ITPK1: variants seen among roughly 807,000 people sequenced by gnomAD.
The protein encoded by ITPK1 is inositol-tetrakisphosphate 1-kinase.
In ITPK1, 21 loss-of-function variants were observed where a neutral mutation model predicts 45.3. That is an observed-to-expected ratio of 0.46 (90% CI 0.33 to 0.67). ITPK1 has a LOEUF of 0.67. Among genes scored for constraint, ITPK1 ranks in the 30% least tolerant of loss-of-function variants. The pLI, the probability that ITPK1 is intolerant of heterozygous loss-of-function variation, is 0.02. For missense variants in ITPK1, 474 were observed against 573.5 expected, an observed-to-expected ratio of 0.83 and a Z score of 1.77; for synonymous variants, 258 against 253.6, an observed-to-expected ratio of 1.02 and a Z score of -0.16.
At position 92,938,863 on chromosome 14, in the gene ITPK1, C is replaced by T. The variant is rs1379011870; in HGVS notation, c.*2698G>A. 27 of 420,542 alleles carry T rather than the reference C, an allele frequency of 6.4e-5. No homozygotes were observed. The highest frequency in any genetic ancestry group is 8.7e-5 in the Non-Finnish European group (20 of 230,704). 26.1% of individuals were successfully genotyped at this position (420,542 alleles called of 1,614,324 possible). A position where few individuals can be genotyped will look rare whatever the true frequency, so the allele number is the denominator to read the frequency against. On this transcript the variant is annotated 3_prime_UTR_variant, in exon 11 of 11. Coordinates refer to ENST00000267615, the MANE Select transcript of ITPK1 (RefSeq NM_014216.6). Reference sequence around the variant, plus strand: ...GCACTGTCAGGCAGAACTTGACCCACGGCCTCAGCCCCAGGGTGCTCAATG... The same window carrying T: ...GCACTGTCAGGCAGAACTTGACCCATGGCCTCAGCCCCAGGGTGCTCAATG...
At chr14:92,983,553 T>C (rs561741297) in intron 5 of ITPK1, among the ~76,000 whole-genome samples, 2 of 152,310 alleles carry the variant, frequency 1.3e-5, no homozygotes, top group South Asian at 4.1e-4. Flanking sequence ...GATTCATTCA[T>C]AGAAGACAAG....
At chr14:93,072,718 G>A (rs60545879) in intron 3 of ITPK1, among the ~76,000 whole-genome samples, 21,026 of 151,080 alleles carry the variant, frequency 0.14, 1,608 homozygotes, top group South Asian at 0.25. Flanking sequence ...GGGTTCAAGT[G>A]ATCCTCCCAC....
At chr14:93,049,201 C>T (rs964990731) in intron 3 of ITPK1, among the ~76,000 whole-genome samples, 2 of 152,186 alleles carry the variant, frequency 1.3e-5, no homozygotes, top group African/African-American at 4.8e-5. Context: ...CTACAAAACC[C>T]CTTCTGTGGC....
At position 92,941,213 on chromosome 14, in the gene ITPK1, A is replaced by G. The variant is rs1566681666; in HGVS notation, c.*348T>C. On this transcript the variant is annotated 3_prime_UTR_variant, in exon 11 of 11. Coordinates refer to ENST00000267615, the MANE Select transcript of ITPK1 (RefSeq NM_014216.6). The stretch of plus-strand genomic sequence containing the variant: ...CCGGTCCACAGTGGCCATGGAGACC[A>G]ACAGACAGGGATGTGCACAGACACT... 4 of 1,284,002 alleles carry G rather than the reference A, an allele frequency of 3.1e-6. No homozygotes were observed. The highest frequency in any genetic ancestry group is 7.8e-5 in the East Asian group (2 of 25,684). The allele number at this position is 1,284,002 out of a possible 1,614,324, so 79.5% of individuals were successfully genotyped here.
chr14:92,961,454 A>G (rs1885065826), intron 7 of ITPK1, among the ~76,000 whole-genome samples: 1 of 152,136 alleles, frequency 6.6e-6, no homozygotes, highest in Admixed American at 6.5e-5. Flanking sequence ...AAAAGAATGA[A>G]TGGGCGGGTG....
At chr14:92,998,356 G>C (rs1359741498) in intron 4 of ITPK1, among the ~76,000 whole-genome samples, 1 of 152,224 alleles carries the variant, frequency 6.6e-6, no homozygotes, top group Non-Finnish European at 1.5e-5. Context: ...GGGGGCTGTG[G>C]TTCTGGCCCA....
intron 3 of ITPK1, among the ~76,000 whole-genome samples, chr14:93,033,918 C>G (rs1474494558): frequency 6.6e-6 from 1 of 152,030 alleles, no homozygotes; most frequent in Non-Finnish European, 1.5e-5. Flanking sequence ...AGAAGCAGGA[C>G]TGCACAGCAG....
intron 2 of ITPK1, among the ~76,000 whole-genome samples, chr14:93,095,671 G>A (rs1892048461): frequency 6.6e-6 from 1 of 151,496 alleles, no homozygotes; most frequent in South Asian, 2.1e-4. Flanking sequence ...ACTGAGGTTT[G>A]GAGTATGAAT....
intron 7 of ITPK1, among the ~76,000 whole-genome samples, chr14:92,961,511 C>G (rs1312058328): frequency 1.3e-5 from 2 of 152,180 alleles, no homozygotes; most frequent in Non-Finnish European, 2.9e-5. Flanking sequence ...TCTAAGCAGC[C>G]CTCTTTTCCT....
intron 2 of ITPK1, among the ~76,000 whole-genome samples, chr14:93,098,218 A>T (rs1892161748): frequency 6.6e-6 from 1 of 152,126 alleles, no homozygotes; most frequent in Non-Finnish European, 1.5e-5. Flanking sequence ...GCACTTTGGG[A>T]GGCCAAGACA....
chr14:93,028,709 C>T (rs181681051), intron 3 of ITPK1, among the ~76,000 whole-genome samples: 60 of 152,324 alleles, frequency 3.9e-4, no homozygotes, highest in African/African-American at 9.1e-4. Flanking sequence ...TCAGACCCTC[C>T]GGAACCTCAG....
intron 3 of ITPK1, among the ~76,000 whole-genome samples, chr14:93,031,311 G>A (rs577168567): frequency 1.3e-5 from 2 of 152,272 alleles, no homozygotes; most frequent in African/African-American, 4.8e-5. Flanking sequence ...TGGAGTCAGT[G>A]TCCTCAGAGT....
intron 3 of ITPK1, among the ~76,000 whole-genome samples, chr14:93,046,482 G>A (rs1398648942): frequency 2.0e-5 from 3 of 151,742 alleles, no homozygotes; most frequent in African/African-American, 7.3e-5. Context: ...ATACACACAG[G>A]ATATGGTGAT....
chr14:92,997,865 C>G (rs1027992345), intron 4 of ITPK1, among the ~76,000 whole-genome samples: 1 of 152,196 alleles, frequency 6.6e-6, no homozygotes, highest in Non-Finnish European at 1.5e-5. Context: ...CAAGCTCTCT[C>G]AGGGTTTTCA....
At chr14:93,070,235 G>A (rs934739697) in intron 3 of ITPK1, 4 of 152,600 alleles carry the variant, frequency 2.6e-5, no homozygotes, top group African/African-American at 9.6e-5. Flanking sequence ...GGCTGGAGGG[G>A]GCCCGGCAGC....
intron 3 of ITPK1, among the ~76,000 whole-genome samples, chr14:93,058,372 T>C (rs1430685239): frequency 1.6e-5 from 2 of 124,180 alleles, no homozygotes; most frequent in African/African-American, 3.2e-5. Flanking sequence ...CACAGGGTCA[T>C]AAGGCAGGGG....
intron 8 of ITPK1, among the ~76,000 whole-genome samples, chr14:92,955,982 C>A (rs1884701500): frequency 6.6e-6 from 1 of 152,232 alleles, no homozygotes; most frequent in South Asian, 2.1e-4. Flanking sequence ...AGCTCCCTGG[C>A]ACAGTGCCCT....
intron 3 of ITPK1, among the ~76,000 whole-genome samples, chr14:93,021,174 C>T (rs138885293): frequency 1.3e-5 from 2 of 152,192 alleles, no homozygotes; most frequent in South Asian, 2.1e-4. Context: ...ATTCCTCTGC[C>T]CTCTCCATGG....
intron 3 of ITPK1, among the ~76,000 whole-genome samples, chr14:93,050,883 C>T (rs535130390): frequency 1.0e-3 from 154 of 152,152 alleles, no homozygotes; most frequent in African/African-American, 3.5e-3. Context: ...CCTGTGCAGG[C>T]GAGTCCAATG....
Sources: allele counts gnomAD v4.1 joint callset (sites outside exome capture counted in the v4.1 genomes callset), GRCh38; gene constraint gnomAD v4.1.1; transcripts MANE v1.5; gene names NCBI Gene and HGNC (gene_info 2026-07-23, HGNC 2026-07-21).